Variants in SYNE3 observed in about 807,000 individuals in gnomAD.
The protein encoded by SYNE3 is nesprin-3.
In SYNE3, 100 loss-of-function variants were observed where a neutral mutation model predicts 111.2. The observed-to-expected ratio is 0.90, with a 90% CI of 0.77 to 1.06. The LOEUF (loss-of-function observed/expected upper bound fraction) is 1.06. SYNE3 is among the 50% of genes least tolerant of loss of function. The pLI is 0.00. For synonymous variants in SYNE3, 547 were observed against 533.9 expected (o/e 1.02, Z -0.34); for missense variants, 1,160 against 1,240.3 (o/e 0.94, Z 0.97).
intron 17 of SYNE3, among the ~76,000 whole-genome samples, chr14:95,421,034 C>T (rs1399191194): frequency 6.6e-6 from 1 of 152,286 alleles, no homozygotes; most frequent in East Asian, 1.9e-4. Flanking sequence ...TTTCCCCTTT[C>T]ACTTGGCTCC....
chr14:95,500,305 C>T lies in SYNE3; in HGVS notation c.-15+16291G>A, dbSNP rs143053005. Among the ~76,000 whole-genome samples the T allele has an allele frequency of 1.6e-4, 24 of 152,302 alleles. No homozygotes were observed. The highest frequency in any genetic ancestry group is 3.6e-4 in the African/African-American group (15 of 41,558). On this transcript the variant is annotated intron_variant, in intron 1 of 17. Transcript: ENST00000682763. This position sits in a 1 kb window ranked among gnomAD's most constrained non-coding sequence, Gnocchi z 4.7. Reference sequence around the variant, plus strand: ...GCTTGTTCCTGCCAGAACTTTGAGACGCCAGGTTTACGACGTGCCTGTGAG... The same window carrying T: ...GCTTGTTCCTGCCAGAACTTTGAGATGCCAGGTTTACGACGTGCCTGTGAG...
chr14:95,420,283 G>T (rs1256833304), intron 17 of SYNE3, among the ~76,000 whole-genome samples: 2 of 152,090 alleles, frequency 1.3e-5, no homozygotes, highest in Non-Finnish European at 2.9e-5. Flanking sequence ...CTGCTGGGTT[G>T]GGTGGGGCCA....
rs964552828 is a variant in SYNE3 at position 95,420,027 on chromosome 14, T to G, written c.2728-2001A>C. 6.2e-4 allele frequency among the ~76,000 whole-genome samples: 94 copies of G among 151,310 alleles called. 1 individual carries two copies. The highest frequency in any genetic ancestry group is 2.2e-3 in the African/African-American group (91 of 41,130). ...CTCCTCTCTGAGTCAACTCATGTAT[T>G]CCCCTGCTCCAAGTATCCCCTCCAG... On this transcript the variant is annotated intron_variant, in intron 17 of 17. Coordinates refer to ENST00000682763, the MANE Select transcript of SYNE3 (RefSeq NM_152592.6).
Position 95,489,093 on chromosome 14 carries a change from A to G in SYNE3, c.-14-13258T>C, listed in dbSNP as rs1889707026. 2.6e-5 allele frequency among the ~76,000 whole-genome samples: 4 copies of G among 152,234 alleles called. No homozygotes were observed. The South Asian group carries it at 8.3e-4, about 32-fold the overall frequency. ...ACTGAGTGACAAAGACACTTGGCCA[A>G]CAGGGACCTGCTCCAATTCTCAGGG... On this transcript the variant is annotated intron_variant, in intron 1 of 17. Coordinates refer to ENST00000682763, the MANE Select transcript of SYNE3 (RefSeq NM_152592.6).
intron 5 of SYNE3, chr14:95,456,029 C>T (rs1006891485): frequency 1.6e-4 from 69 of 431,516 alleles, no homozygotes; most frequent in Non-Finnish European, 2.5e-4. Flanking sequence ...CTTTCCATGC[C>T]TTCAGCTGGA....
At chr14:95,501,059 G>A (rs17092581) in intron 1 of SYNE3, among the ~76,000 whole-genome samples, 24,152 of 152,234 alleles carry the variant, frequency 0.16, 2,253 homozygotes, top group Non-Finnish European at 0.2. Context: ...AGTTGACTAC[G>A]CTACGACCCA....
intron 4 of SYNE3, among the ~76,000 whole-genome samples, chr14:95,460,548 T>C (rs1887737074): frequency 6.6e-6 from 1 of 152,138 alleles, no homozygotes; most frequent in South Asian, 2.1e-4. Flanking sequence ...TTATAGTAAC[T>C]GAAATGGCTT....
chr14:95,467,695 A>T, intron 3 of SYNE3, 100 bp downstream of exon 3: 1 of 1,407,470 alleles, frequency 7.1e-7, no homozygotes, highest in Non-Finnish European at 9.7e-7. Context: ...CCAGAATCCC[A>T]GGACTGGAGA....
intron 15 of SYNE3, among the ~76,000 whole-genome samples, chr14:95,435,013 A>G (rs929703632): frequency 6.6e-6 from 1 of 152,244 alleles, no homozygotes; most frequent in Non-Finnish European, 1.5e-5. Flanking sequence ...CTAGCACACA[A>G]AGCAGCCACA....
chr14:95,460,464 A>G (rs1233684414), intron 4 of SYNE3, among the ~76,000 whole-genome samples: 4 of 144,538 alleles, frequency 2.8e-5, no homozygotes, highest in Admixed American at 7.2e-5. Flanking sequence ...CAAATGATCC[A>G]CCTGCCTCAG....
chr14:95,466,269 A>G, intron 3 of SYNE3, 29 bp from the exon 4 acceptor site: 1 of 1,532,808 alleles, frequency 6.5e-7, no homozygotes, highest in Non-Finnish European at 8.8e-7. Flanking sequence ...CAAGGTTGTG[A>G]GGGAACCAGC....
chr14:95,451,457 G>A (rs1425350547), intron 7 of SYNE3: 2 of 152,224 alleles, frequency 1.3e-5, no homozygotes, highest in Non-Finnish European at 2.9e-5. Context: ...GAAGACCCTT[G>A]GCCACTCTGT....
chr14:95,460,976 GT>G (rs1887773519), intron 4 of SYNE3, among the ~76,000 whole-genome samples: 1 of 152,196 alleles, frequency 6.6e-6, no homozygotes, highest in Admixed American at 6.5e-5. Context: ...TGGGGAGCAG[GT>G]GCTCAGAGAG....
Position 95,408,684 on chromosome 14 carries a change from A to C in SYNE3, c.*9142T>G. The stretch of plus-strand genomic sequence containing the variant: ...TAGTACTCACACATGCTATGCTCAC[A>C]TACGCGTGCATCCCTCCCACCCTGC... On this transcript the variant is annotated 3_prime_UTR_variant, in exon 18 of 18. Coordinates refer to ENST00000682763, the MANE Select transcript of SYNE3 (RefSeq NM_152592.6). 1 of 224,604 alleles carries C rather than the reference A, an allele frequency of 4.5e-6. No individual in the cohort carries two copies. Among genetic ancestry groups the C allele is most frequent in the Non-Finnish European group, 9.0e-6 (1 of 111,592 alleles). 13.9% of individuals were successfully genotyped at this position (224,604 alleles called of 1,614,324 possible).
chr14:95,434,153 C>T (rs1885954136), intron 15 of SYNE3, among the ~76,000 whole-genome samples: 1 of 151,600 alleles, frequency 6.6e-6, no homozygotes, highest in South Asian at 2.1e-4. Flanking sequence ...AGGTAATGGC[C>T]AACTAGATAA....
intron 1 of SYNE3, among the ~76,000 whole-genome samples, chr14:95,480,957 G>A (rs1037773717): frequency 7.9e-5 from 12 of 152,222 alleles, no homozygotes; most frequent in Admixed American, 7.2e-4. Flanking sequence ...GAGCTCTGTG[G>A]CCCATTAGCT....
At chr14:95,477,246 G>A (rs997740122) in intron 1 of SYNE3, among the ~76,000 whole-genome samples, 1 of 152,234 alleles carries the variant, frequency 6.6e-6, no homozygotes, top group African/African-American at 2.4e-5. Flanking sequence ...GATCAAGTCA[G>A]GGCTGTGTGC....
chr14:95,488,085 T>C (rs1383827829), intron 1 of SYNE3, among the ~76,000 whole-genome samples: 4 of 152,384 alleles, frequency 2.6e-5, no homozygotes, highest in African/African-American at 4.8e-5. Flanking sequence ...GAATATAGTA[T>C]GTAATATATA....
chr14:95,467,680 G>A, intron 3 of SYNE3, 115 bp downstream of exon 3: 1 of 1,284,078 alleles, frequency 7.8e-7, no homozygotes, highest in Non-Finnish European at 1.1e-6. Flanking sequence ...AGAATATCCT[G>A]TCCCCCAGAA....
Sources: allele counts gnomAD v4.1 joint callset (sites outside exome capture counted in the v4.1 genomes callset), GRCh38; gene constraint gnomAD v4.1.1; non-coding constraint Gnocchi (gnomAD v3.1); transcripts MANE v1.5; gene names NCBI Gene and HGNC (gene_info 2026-07-23, HGNC 2026-07-21).